UGT3A2: variants seen among roughly 807,000 people sequenced by gnomAD.
The protein encoded by UGT3A2 is UDP-glycosyltransferase 3A2.
A neutral mutation model predicts 39.8 loss-of-function variants in UGT3A2; 32 were observed. The observed-to-expected ratio is 0.80, with a 90% CI of 0.61 to 1.08. The LOEUF is 1.08. UGT3A2 is among the 50% of genes least tolerant of loss of function. The pLI is 0.00. For missense variants in UGT3A2, 611 were observed against 637.1 expected (o/e 0.96, Z 0.44); for synonymous variants, 241 against 230.7 (o/e 1.04, Z -0.40).
At chr5:36,054,377 T>C (rs1250574392) in intron 2 of UGT3A2, among the ~76,000 whole-genome samples, 3 of 152,210 alleles carry the variant, frequency 2.0e-5, no homozygotes, top group Non-Finnish European at 4.4e-5. Context: ...CAGACATTCA[T>C]ATACACCCCT....
In UGT3A2 at chr5:36,037,834, A is replaced by G; in HGVS notation, c.1258T>C (p.Leu420=). The G allele has an allele frequency of 1.9e-6, 3 of 1,614,152 alleles. No individual in the cohort carries two copies. The highest frequency in any genetic ancestry group is 2.2e-5 in the South Asian group (2 of 91,078). ...ATGATTTGTTTCATCTTAAGAGCCA[A>G]TGTCTCTGCCTTGAGCTTCTTTAAC... The part of the protein sequence containing the change: ...IQLKKLKAET[L]ALKMKQIMED... Residue 420 remains leucine (L), a synonymous_variant, in exon 6 of 7, where the codon TTG becomes CTG. Coordinates refer to ENST00000282507, the MANE Select transcript of UGT3A2 (RefSeq NM_174914.4).
rs1448011274 is a variant in UGT3A2, at chr5:36,037,794, T to C, written c.1295+3A>G. On this transcript the variant is annotated splice_donor_region_variant and intron_variant, in intron 6 of 6. Coordinates refer to ENST00000282507, the MANE Select transcript of UGT3A2 (RefSeq NM_174914.4). ...ATGACCACAACCCCAAGGAGCTGCATACCTCTTGTCTTCCATGATTTGTTT... is the reference window on the plus strand; with the variant it reads ...ATGACCACAACCCCAAGGAGCTGCACACCTCTTGTCTTCCATGATTTGTTT... 6.2e-7 allele frequency: 1 copy of C among 1,614,220 alleles called. No individual in the cohort carries two copies. The highest frequency in any genetic ancestry group is 8.5e-7 in the Non-Finnish European group (1 of 1,180,022).
chr5:36,065,091 A>G (rs993878485), intron 1 of UGT3A2, among the ~76,000 whole-genome samples: 1 of 152,196 alleles, frequency 6.6e-6, no homozygotes. Flanking sequence ...TTGATCCTCA[A>G]AAGAGGTACA....
rs547298908 is a variant in UGT3A2 at position 36,059,693 on chromosome 5, T to A, written c.196+4556A>T. On this transcript the variant is annotated intron_variant, in intron 2 of 6. Coordinates refer to ENST00000282507, the MANE Select transcript of UGT3A2 (RefSeq NM_174914.4). ...TGTTAATCAGAAAGAGCCTGTTTCT[T>A]GTTATCAGTGGAATGTTTTACCCCG... 7.2e-5 allele frequency among the ~76,000 whole-genome samples: 11 copies of A among 152,266 alleles called. 1 individual carries two copies. In the South Asian group the frequency reaches 2.3e-3, roughly 32 times the overall value.
intron 3 of UGT3A2, among the ~76,000 whole-genome samples, chr5:36,051,380 A>G (rs1742335732): frequency 1.3e-5 from 2 of 152,188 alleles, no homozygotes; most frequent in Non-Finnish European, 2.9e-5. Flanking sequence ...TATATGTTCA[A>G]CTTCTACAAA....
chr5:36,049,671 C>T (rs766676752), intron 3 of UGT3A2, among the ~76,000 whole-genome samples: 1 of 152,140 alleles, frequency 6.6e-6, no homozygotes, highest in Non-Finnish European at 1.5e-5. Flanking sequence ...CCATCAATGC[C>T]GACTCAAGGT....
intron 4 of UGT3A2, among the ~76,000 whole-genome samples, chr5:36,040,830 G>A (rs1741983121): frequency 6.6e-6 from 1 of 152,180 alleles, no homozygotes; most frequent in African/African-American, 2.4e-5. Context: ...GCAGCCAAGG[G>A]AGTGCTGGTG....
intron 6 of UGT3A2, 118 bp downstream of exon 6, chr5:36,037,679 A>G (rs1297441520): frequency 1.8e-6 from 2 of 1,092,710 alleles, no homozygotes; most frequent in African/African-American, 3.2e-5. Flanking sequence ...ATGTCCTGGA[A>G]AATACAGTTT....
At chr5:36,058,040 T>C (rs1742569502) in intron 2 of UGT3A2, among the ~76,000 whole-genome samples, 1 of 152,184 alleles carries the variant, frequency 6.6e-6, no homozygotes, top group South Asian at 2.1e-4. Flanking sequence ...GTAAAAGATA[T>C]TAAAATGGTT....
intron 6 of UGT3A2, among the ~76,000 whole-genome samples, chr5:36,036,230 T>A (rs549020250): frequency 6.6e-6 from 1 of 152,230 alleles, no homozygotes. Flanking sequence ...AGGCTTATGA[T>A]GTGCCCTAGG....
chr5:36,051,682 G>C lies in UGT3A2; in HGVS notation c.311+188C>G, dbSNP rs115233951. Among the ~76,000 whole-genome samples the C allele has an allele frequency of 5.1e-3, 781 of 152,204 alleles. 9 individuals are homozygous for C. The highest frequency in any genetic ancestry group is 0.018 in the African/African-American group (746 of 41,520). On this transcript the variant is annotated intron_variant, in intron 3 of 6. Transcript: ENST00000282507. ...ACTTTACTGGATGATGTGGCATGCA[G>C]TACTCATCTACTCCCCCTGTCATCT...
At chr5:36,052,116 T>C (rs1742362816) in intron 2 of UGT3A2, 132 bp from the exon 3 acceptor site, 5 of 622,510 alleles carry the variant, frequency 8.0e-6, no homozygotes, top group Non-Finnish European at 1.3e-5. Flanking sequence ...TATTTTTTAA[T>C]GTATGCGTTT....
At chr5:36,037,301 T>C (rs1741860771) in intron 6 of UGT3A2, among the ~76,000 whole-genome samples, 1 of 152,068 alleles carries the variant, frequency 6.6e-6, no homozygotes. Flanking sequence ...ATGATGTAAC[T>C]GGGGTAGGTG....
chr5:36,063,513 G>C (rs1742781269), intron 2 of UGT3A2, among the ~76,000 whole-genome samples: 1 of 152,066 alleles, frequency 6.6e-6, no homozygotes, highest in African/African-American at 2.4e-5. Flanking sequence ...GCATAAATAA[G>C]GGTCTCCCTG....
In UGT3A2 at chr5:36,035,760, C is replaced by T. The variant is rs758160655; in HGVS notation, c.1510G>A (p.Gly504Arg). The change falls in exon 7 of 7, where the codon GGG becomes AGG. Residue 504 changes from glycine to arginine, a missense_variant. Gly to Arg is a moderately radical substitution (Grantham distance 125, BLOSUM62 -2). Transcript: ENST00000282507. ...GLTLGTLWLC[G>R]KLLGMAVWWL... ...CAGACAGCCATGCCCAGCAGCTTCCCACAAAGCCATAGAGTCCCCAGAGTG... is the reference window on the plus strand; with the variant it reads ...CAGACAGCCATGCCCAGCAGCTTCCTACAAAGCCATAGAGTCCCCAGAGTG... 4 of 1,614,000 alleles carry T rather than the reference C, an allele frequency of 2.5e-6. No homozygotes were observed. In the African/African-American group the frequency reaches 4.0e-5, roughly 16 times the overall value.
chr5:36,063,232 G>T (rs988425904), intron 2 of UGT3A2, among the ~76,000 whole-genome samples: 143 of 152,130 alleles, frequency 9.4e-4, no homozygotes, highest in Middle Eastern at 3.4e-3. Context: ...GCTTTTCCCT[G>T]AGCAACACTT....
chr5:36,038,284 A>G (rs1741896073), intron 5 of UGT3A2, among the ~76,000 whole-genome samples: 1 of 152,180 alleles, frequency 6.6e-6, no homozygotes, highest in South Asian at 2.1e-4. Flanking sequence ...GTGCTAAGCA[A>G]GGCATACATC....
chr5:36,035,571 C>G lies in UGT3A2; in HGVS notation c.*127G>C, dbSNP rs1213405290. 2.5e-5 allele frequency: 35 copies of G among 1,386,072 alleles called. No homozygotes were observed. The highest frequency in any genetic ancestry group is 2.7e-5 in the Non-Finnish European group (28 of 1,035,456). The allele number at this position is 1,386,072 out of a possible 1,614,324, so 85.9% of individuals were successfully genotyped here. ...GAAAGGATGATTTTTGGCCATTTTT[C>G]CTGTTCTTCAAGAAAACAGGAGATA... On this transcript the variant is annotated 3_prime_UTR_variant, in exon 7 of 7. Coordinates refer to ENST00000282507, the MANE Select transcript of UGT3A2 (RefSeq NM_174914.4).
At chr5:36,065,786 T>A (rs936089472) in intron 1 of UGT3A2, among the ~76,000 whole-genome samples, 1 of 152,138 alleles carries the variant, frequency 6.6e-6, no homozygotes, top group Non-Finnish European at 1.5e-5. Flanking sequence ...CATCCTTCAA[T>A]TGCCCTCTCA....
Sources: gnomAD v4.1 joint callset for allele counts (sites outside exome capture counted in the v4.1 genomes callset) on GRCh38, gnomAD v4.1.1 for gene constraint, MANE v1.5 for transcripts, NCBI Gene and HGNC (gene_info 2026-07-23, HGNC 2026-07-21) for gene names.